EME2: variants seen among roughly 807,000 people sequenced by gnomAD.
The protein encoded by EME2 is essential meiotic structure-specific endonuclease subunit 2, also known as structure-specific endonuclease subunit EME2.
EME2 carries 58 observed loss-of-function variants against 41.9 expected under a neutral mutation model. The ratio of observed to expected loss-of-function variants is 1.38; its 90% confidence interval spans 1.12 to 1.72. The LOEUF (loss-of-function observed/expected upper bound fraction) is 1.72, where lower values mean the gene tolerates loss of function less well. EME2 is among the 40% of genes most tolerant of loss of function. The pLI is 0.00. For missense variants in EME2, 695 were observed against 541.9 expected (o/e 1.28, Z -2.81); for synonymous variants, 334 against 239.3 (o/e 1.40, Z -3.65).
intron 7 of EME2, 31 bp from the exon 8 acceptor site, chr16:1,776,037 G>A (rs1236314276): frequency 6.2e-7 from 1 of 1,605,336 alleles, no homozygotes; most frequent in Admixed American, 1.7e-5. Flanking sequence ...CCCGTCCCCA[G>A]GCGCCCTCTC....
Position 1,773,123 on chromosome 16 carries a change from GGGTCCGCGTCCTCAGC to G in EME2, c.-98_-83del. 1 of 1,390,752 alleles carries G rather than the reference GGGTCCGCGTCCTCAGC, an allele frequency of 7.2e-7. No homozygotes were observed. The highest frequency in any genetic ancestry group is 9.3e-7 in the Non-Finnish European group (1 of 1,077,794). 86.2% of individuals were successfully genotyped at this position (1,390,752 alleles called of 1,614,324 possible). On this transcript the variant is annotated 5_prime_UTR_variant, in exon 1 of 8. The change abolishes the stop of an existing upstream ORF in the 5' untranslated region. Transcript: ENST00000568449. Reference sequence around the variant, plus strand: ...GACGCACCTTCTTCCGCGCCATGGCGGGTCCGCGTCCTCAGCGGTCCGGCCGGAAGTCACCGGAAGA... The same window carrying G: ...GACGCACCTTCTTCCGCGCCATGGCGGGTCCGGCCGGAAGTCACCGGAAGA...
rs1476666681 is a variant in EME2, at chr16:1,775,955, C to T, written c.938C>T (p.Thr313Ile). 3 of 1,610,898 alleles carry T rather than the reference C, an allele frequency of 1.9e-6. No homozygotes were observed. In the South Asian group the frequency reaches 3.3e-5, roughly 18 times the overall value. Residue 313 changes from threonine to isoleucine, a missense_variant, in exon 7 of 8, where the codon ACA becomes ATA. Thr to Ile is a moderately conservative substitution (Grantham distance 89, BLOSUM62 -1). Coordinates refer to ENST00000568449, the MANE Select transcript of EME2 (RefSeq NM_001257370.2). ...CCAGCCGTGGCTGATGCAGTTGTCACAGCCTTCCCCTCCCCCCGCCTTCTG... is the reference window on the plus strand; with the variant it reads ...CCAGCCGTGGCTGATGCAGTTGTCATAGCCTTCCCCTCCCCCCGCCTTCTG... ...VSPAVADAVV[T>I]AFPSPRLLQQ...
chr16:1,776,987 G>T lies in EME2; in HGVS notation c.*749G>T. ...GCAAGAGATGGCTCCCTCCGGACGG[G>T]CCTCATCCAACTCCGCCCTGGAGTG... On this transcript the variant is annotated 3_prime_UTR_variant, in exon 8 of 8. Transcript: ENST00000568449. 5 of 1,289,298 alleles carry T rather than the reference G, an allele frequency of 3.9e-6. No individual in the cohort carries two copies. The highest frequency in any genetic ancestry group is 4.3e-6 in the Non-Finnish European group (4 of 934,758). 79.9% of individuals were successfully genotyped at this position (1,289,298 alleles called of 1,614,324 possible).
intron 1 of EME2, 25 bp from the exon 2 acceptor site, chr16:1,773,680 C>T (rs1338745695): frequency 1.3e-6 from 2 of 1,547,836 alleles, no homozygotes; most frequent in East Asian, 2.4e-5. Context: ...GAAGCAGTGA[C>T]CGCGCTCCTC....
chr16:1,778,504 C>G lies in EME2; in HGVS notation c.*2266C>G. On this transcript the variant is annotated 3_prime_UTR_variant, in exon 8 of 8. Coordinates refer to ENST00000568449, the MANE Select transcript of EME2 (RefSeq NM_001257370.2). ...GAGTGCAGGCTGCTACAGAAGGAGG[C>G]CTCGCTCTGCCCAGCACAGTCACAG... 1 of 1,612,076 alleles carries G rather than the reference C, an allele frequency of 6.2e-7. No homozygotes were observed. The highest frequency in any genetic ancestry group is 8.5e-7 in the Non-Finnish European group (1 of 1,179,650).
rs1896700533 is a variant in EME2 at position 1,781,309 on chromosome 16, A to G, written c.*5071A>G. 1 of 1,612,646 alleles carries G rather than the reference A, an allele frequency of 6.2e-7. No individual in the cohort carries two copies. Among genetic ancestry groups the G allele is most frequent in the South Asian group, 1.1e-5 (1 of 91,086 alleles). Reference sequence around the variant, plus strand: ...TAATGTCTGCCTGCCTGCCTAGGGCATCTCCACACCTTAGGCCAGCCACGT... The same window carrying G: ...TAATGTCTGCCTGCCTGCCTAGGGCGTCTCCACACCTTAGGCCAGCCACGT... On this transcript the variant is annotated 3_prime_UTR_variant, in exon 8 of 8. Transcript: ENST00000568449.
chr16:1,774,863 G>A, intron 3 of EME2, 178 bp from the exon 4 acceptor site: 2 of 665,902 alleles, frequency 3.0e-6, no homozygotes, highest in South Asian at 3.5e-5. Context: ...TAGCCTCTTT[G>A]GCCTCGTGGG....
At chr16:1,774,023 C>G (rs1024795198) in intron 2 of EME2, among the ~76,000 whole-genome samples, 182 bp downstream of exon 2, 3 of 152,238 alleles carry the variant, frequency 2.0e-5, no homozygotes, top group African/African-American at 4.8e-5. Flanking sequence ...TAGAGCCGAG[C>G]TGGCTGGAGA....
chr16:1,774,039 C>A (rs183713932), intron 2 of EME2, among the ~76,000 whole-genome samples, 198 bp downstream of exon 2: 2 of 152,238 alleles, frequency 1.3e-5, no homozygotes, highest in African/African-American at 4.8e-5. Context: ...GGAGAAGGTT[C>A]CGTCTCGATT....
Position 1,774,340 on chromosome 16 carries a change from C to T in EME2, c.465C>T (p.Ala155=), listed in dbSNP as rs1235049615. The T allele has an allele frequency of 1.2e-6, 2 of 1,612,590 alleles. No homozygotes were observed. Among genetic ancestry groups the T allele is most frequent in the Non-Finnish European group, 1.7e-6 (2 of 1,179,886 alleles). ...LEPEEFLQGV[A]TLTQISGPTH... The stretch of plus-strand genomic sequence containing the variant: ...CCGAGGAGTTTCTGCAGGGCGTCGC[C>T]ACACTGACCCAGGTGCTCGGGTGGT... The change falls in exon 3 of 8, where the codon GCC becomes GCT. Residue 155 remains alanine (A), a synonymous_variant. Coordinates refer to ENST00000568449, the MANE Select transcript of EME2 (RefSeq NM_001257370.2).
At position 1,778,781 on chromosome 16, in the gene EME2, C is replaced by A; in HGVS notation, c.*2543C>A. On this transcript the variant is annotated 3_prime_UTR_variant, in exon 8 of 8. Transcript: ENST00000568449. ...GCGCACAGCCCAGGCTCCCTCCCAA[C>A]GGGCTCCGGCTCTGCCCCATTCTGC... 1.5e-6 allele frequency: 1 copy of A among 665,156 alleles called. No homozygotes were observed. Among genetic ancestry groups the A allele is most frequent in the Non-Finnish European group, 2.3e-6 (1 of 426,070 alleles). 41.2% of individuals were successfully genotyped at this position (665,156 alleles called of 1,614,324 possible).
At position 1,781,492 on chromosome 16, in the gene EME2, G is replaced by C; in HGVS notation, c.*5254G>C. ...CGGGGGCGTCTGGCCATGGTGGAAA[G>C]AATCTAGAAGAAAACACAGGCTCTG... On this transcript the variant is annotated 3_prime_UTR_variant, in exon 8 of 8. Coordinates refer to ENST00000568449, the MANE Select transcript of EME2 (RefSeq NM_001257370.2). 6.8e-6 allele frequency: 11 copies of C among 1,611,012 alleles called. No individual in the cohort carries two copies. Among genetic ancestry groups the C allele is most frequent in the Non-Finnish European group, 9.3e-6 (11 of 1,179,040 alleles).
At chr16:1,773,923 G>C in intron 2 of EME2, 82 bp downstream of exon 2, 1 of 1,453,580 alleles carries the variant, frequency 6.9e-7, no homozygotes, top group Non-Finnish European at 9.1e-7. Flanking sequence ...CTGTCCCTGA[G>C]GCAGCTGCCC....
In EME2 at chr16:1,774,725, C is replaced by T. The variant is rs141897555; in HGVS notation, c.478-316C>T. Among the ~76,000 whole-genome samples the T allele has an allele frequency of 1.1e-3, 165 of 152,346 alleles. 1 individual carries two copies. In the Middle Eastern group the frequency reaches 0.024, roughly 22 times the overall value. On this transcript the variant is annotated intron_variant, in intron 3 of 7. Transcript: ENST00000568449. The stretch of plus-strand genomic sequence containing the variant: ...TAGACCCCCTGCCAGGTCCCTGTGT[C>T]CCAGGATCAGTGTCTCTCAAGCTGC...
intron 3 of EME2, 54 bp from the exon 4 acceptor site, chr16:1,774,987 G>A: frequency 3.1e-5 from 44 of 1,437,716 alleles, no homozygotes; most frequent in Non-Finnish European, 4.1e-5. Context: ...GGTGGCCCAT[G>A]GCCATAGGCC....
At position 1,781,162 on chromosome 16, in the gene EME2, G is replaced by A. The variant is rs774030711; in HGVS notation, c.*4924G>A. 30 of 1,530,492 alleles carry A rather than the reference G, an allele frequency of 2.0e-5. No homozygotes were observed. The South Asian group carries it at 2.6e-4, about 13-fold the overall frequency. 94.8% of individuals were successfully genotyped at this position (1,530,492 alleles called of 1,614,324 possible). Reference sequence around the variant, plus strand: ...GAGGTCCTGTCACCCCTGAGGCTGTGTGTGTCCTTTGCCAAATTAAAGAGT... The same window carrying A: ...GAGGTCCTGTCACCCCTGAGGCTGTATGTGTCCTTTGCCAAATTAAAGAGT... On this transcript the variant is annotated 3_prime_UTR_variant, in exon 8 of 8. Transcript: ENST00000568449.
rs780572897 is a variant in EME2 at position 1,774,359 on chromosome 16, G to A, written c.477+7G>A. The stretch of plus-strand genomic sequence containing the variant: ...CGTCGCCACACTGACCCAGGTGCTC[G>A]GGTGGTGGCAGTAGTCCCTCTCTAA... On this transcript the variant is annotated splice_region_variant and intron_variant, in intron 3 of 7. Coordinates refer to ENST00000568449, the MANE Select transcript of EME2 (RefSeq NM_001257370.2). 1.1e-5 allele frequency: 17 copies of A among 1,611,720 alleles called. No homozygotes were observed. The highest frequency in any genetic ancestry group is 2.2e-5 in the East Asian group (1 of 44,882).
At position 1,772,881 on chromosome 16, in the gene EME2, AC is replaced by A; in HGVS notation, c.-345del. 1 of 1,453,470 alleles carries A rather than the reference AC, an allele frequency of 6.9e-7. No homozygotes were observed. The highest frequency in any genetic ancestry group is 9.0e-7 in the Non-Finnish European group (1 of 1,110,394). The allele number at this position is 1,453,470 out of a possible 1,614,324, so 90.0% of individuals were successfully genotyped here. ...CTGCCACAGCCAGGACTTGCGCGTG[AC>A]CAGGCGGCCCAGGCCGAAGAGCGGG... is the stretch of plus-strand genomic sequence containing the variant. On this transcript the variant is annotated 5_prime_UTR_variant, in exon 1 of 8. Coordinates refer to ENST00000568449, the MANE Select transcript of EME2 (RefSeq NM_001257370.2).
chr16:1,777,948 G>A lies in EME2; in HGVS notation c.*1710G>A, dbSNP rs924607619. On this transcript the variant is annotated 3_prime_UTR_variant, in exon 8 of 8. Transcript: ENST00000568449. ...GCCCCACCCTGGGCCTCACGCACCC[G>A]TGTAGGAGAGGCCCCAGCTGTCCTC... 5.6e-6 allele frequency: 9 copies of A among 1,612,520 alleles called. No individual in the cohort carries two copies. The highest frequency in any genetic ancestry group is 2.7e-5 in the African/African-American group (2 of 74,882).
Sources: allele counts gnomAD v4.1 joint callset (sites outside exome capture counted in the v4.1 genomes callset), GRCh38; gene constraint gnomAD v4.1.1; transcripts MANE v1.5; gene names NCBI Gene and HGNC (gene_info 2026-07-23, HGNC 2026-07-21).